TEC: variants seen among roughly 807,000 people sequenced by gnomAD.
TEC encodes the protein tec protein tyrosine kinase, also known as tyrosine-protein kinase Tec.
TEC carries 72 observed loss-of-function variants against 93.0 expected under a neutral mutation model. That is an observed-to-expected ratio of 0.77 (90% CI 0.64 to 0.94). The LOEUF is 0.94. Among genes scored for constraint, TEC ranks in the 40% least tolerant of loss-of-function variants. TEC has a pLI of 0.00. For missense variants in TEC, 630 were observed against 757.9 expected, an observed-to-expected ratio of 0.83 and a Z score of 1.98; for synonymous variants, 249 against 247.7, an observed-to-expected ratio of 1.01 and a Z score of -0.05.
intron 1 of TEC, among the ~76,000 whole-genome samples, chr4:48,233,482 C>T (rs1333788813): frequency 6.6e-6 from 1 of 151,654 alleles, no homozygotes; most frequent in Middle Eastern, 3.2e-3. Flanking sequence ...CCCAGCTCAA[C>T]TGACTTTTTA....
At chr4:48,211,900 C>A (rs1405866919) in intron 2 of TEC, among the ~76,000 whole-genome samples, 1 of 151,802 alleles carries the variant, frequency 6.6e-6, no homozygotes, top group Non-Finnish European at 1.5e-5. Flanking sequence ...GAGTTTGAGA[C>A]CAGCCTGGGC....
At chr4:48,163,837 T>A in intron 7 of TEC, 70 bp from the exon 8 acceptor site, 6 of 860,296 alleles carry the variant, frequency 7.0e-6, no homozygotes. Flanking sequence ...GAAAGATTAT[T>A]GCCTTTTGAA....
At chr4:48,200,856 A>G (rs6834565) in intron 2 of TEC, among the ~76,000 whole-genome samples, 12,246 of 152,302 alleles carry the variant, frequency 0.08, 690 homozygotes, top group East Asian at 0.31. Context: ...TATGGAGAGG[A>G]AAGACAGGAT....
At chr4:48,149,464 C>T (rs1720065061) in intron 11 of TEC, 93 bp downstream of exon 11, 1 of 1,274,518 alleles carries the variant, frequency 7.8e-7, no homozygotes, top group East Asian at 2.6e-5. Context: ...AATGAACTAA[C>T]TATAAAATAA....
At chr4:48,265,673 C>T (rs1205068057) in intron 1 of TEC, among the ~76,000 whole-genome samples, 2 of 151,770 alleles carry the variant, frequency 1.3e-5, no homozygotes, top group African/African-American at 4.8e-5. Flanking sequence ...CCACCACGCC[C>T]AGCTAATTTT....
At chr4:48,230,815 G>A (rs1419281509) in intron 1 of TEC, among the ~76,000 whole-genome samples, 1 of 152,098 alleles carries the variant, frequency 6.6e-6, no homozygotes, top group Non-Finnish European at 1.5e-5. Flanking sequence ...CTGGCCTAGT[G>A]GACTCTCTGC....
chr4:48,199,240 T>A (rs536862115), intron 2 of TEC, among the ~76,000 whole-genome samples: 1 of 152,294 alleles, frequency 6.6e-6, no homozygotes, highest in East Asian at 1.9e-4. Flanking sequence ...CCAGATCCAA[T>A]GATTCCAAAT....
Position 48,233,810 on chromosome 4 carries a change from C to T in TEC, c.-45-5151G>A, listed in dbSNP as rs945307666. On this transcript the variant is annotated intron_variant, in intron 1 of 17. Coordinates refer to ENST00000381501, the MANE Select transcript of TEC (RefSeq NM_003215.3). ...AAAGTTAGAACATAAAATTGAGAAA[C>T]TCTCCCAAAAAAAAAAAAAATTAAG... 2.3e-4 allele frequency among the ~76,000 whole-genome samples: 33 copies of T among 144,884 alleles called. 1 individual carries two copies. The highest frequency in any genetic ancestry group is 4.8e-4 in the Non-Finnish European group (31 of 64,998).
chr4:48,195,410 A>G (rs949866998), intron 2 of TEC, among the ~76,000 whole-genome samples: 6 of 152,198 alleles, frequency 3.9e-5, no homozygotes, highest in Non-Finnish European at 8.8e-5. Flanking sequence ...CAGAGATGGC[A>G]CATTTCTTAA....
At chr4:48,188,127 C>T (rs1246267418) in intron 2 of TEC, among the ~76,000 whole-genome samples, 1 of 152,156 alleles carries the variant, frequency 6.6e-6, no homozygotes, top group Non-Finnish European at 1.5e-5. Flanking sequence ...CCTTGTCGCC[C>T]TACTGGACTC....
At chr4:48,164,696 C>T (rs1163638095) in intron 7 of TEC, among the ~76,000 whole-genome samples, 1 of 152,042 alleles carries the variant, frequency 6.6e-6, no homozygotes, top group Non-Finnish European at 1.5e-5. Flanking sequence ...GGAGCCAGTC[C>T]CCCTTAGAAA....
intron 1 of TEC, among the ~76,000 whole-genome samples, chr4:48,235,770 A>T (rs1723766712): frequency 6.6e-6 from 1 of 152,206 alleles, no homozygotes; most frequent in African/African-American, 2.4e-5. Context: ...AATCATTATC[A>T]TTATCATTAT....
chr4:48,231,478 C>T lies in TEC; in HGVS notation c.-45-2819G>A, dbSNP rs141449205. 4.6e-4 allele frequency among the ~76,000 whole-genome samples: 70 copies of T among 152,256 alleles called. No individual in the cohort carries two copies. In the East Asian group the frequency reaches 0.011, roughly 25 times the overall value. ...AATGACTACTTATAAGAACAGAGGC[C>T]GGGCACGGTGGCTCACGCCTGTAAT... On this transcript the variant is annotated intron_variant, in intron 1 of 17. Transcript: ENST00000381501.
At chr4:48,210,518 T>G (rs62309352) in intron 2 of TEC, among the ~76,000 whole-genome samples, 14,089 of 97,428 alleles carry the variant, frequency 0.14, 828 homozygotes, top group East Asian at 0.33. Flanking sequence ...AGGAGGAGGA[T>G]GATGAGGAGG....
chr4:48,236,811 T>C (rs763339096), intron 1 of TEC, among the ~76,000 whole-genome samples: 6 of 152,206 alleles, frequency 3.9e-5, no homozygotes, highest in Non-Finnish European at 8.8e-5. Context: ...CTATCCAGCG[T>C]TGCAAATCTG....
chr4:48,217,249 GC>G (rs1439150250), intron 2 of TEC, among the ~76,000 whole-genome samples: 5 of 152,080 alleles, frequency 3.3e-5, no homozygotes, highest in African/African-American at 1.2e-4. Context: ...GATTACAGGT[GC>G]CCGCCACCAT....
At chr4:48,173,876 C>T (rs1369061787) in intron 3 of TEC, among the ~76,000 whole-genome samples, 2 of 152,170 alleles carry the variant, frequency 1.3e-5, no homozygotes, top group African/African-American at 4.8e-5. Flanking sequence ...CCCATCTAGG[C>T]AGCTGGTGTG....
Position 48,145,511 on chromosome 4 carries a change from C to T in TEC, c.1150G>A (p.Val384Met). 3 of 1,614,144 alleles carry T rather than the reference C, an allele frequency of 1.9e-6. No homozygotes were observed. The highest frequency in any genetic ancestry group is 2.5e-6 in the Non-Finnish European group (3 of 1,180,014). Residue 384 changes from valine (V) to methionine (M), a missense_variant, in exon 13 of 18, where the codon GTG becomes ATG. Physicochemically the swap from Val to Met is conservative, Grantham distance 21. This residue lies in a region of TEC where 289 missense variants were observed against 390.0 expected (regional missense o/e 0.74). Transcript: ENST00000381501. ...RELGSGLFGVVRLGKWRAQYK... is the reference protein window; with the variant it reads ...RELGSGLFGVMRLGKWRAQYK... ...TGGGCTCGCCATTTGCCAAGCCTCACCACTCCAAACAGTCCACTTCCCAAT... is the reference window on the plus strand; with the variant it reads ...TGGGCTCGCCATTTGCCAAGCCTCATCACTCCAAACAGTCCACTTCCCAAT...
intron 2 of TEC, among the ~76,000 whole-genome samples, chr4:48,182,066 T>G (rs777836264): frequency 4.6e-5 from 7 of 152,088 alleles, no homozygotes; most frequent in Non-Finnish European, 8.8e-5. Context: ...GCAGATCACT[T>G]GAGGTCAGAA....
Sources: allele counts gnomAD v4.1 joint callset (sites outside exome capture counted in the v4.1 genomes callset), GRCh38; gene constraint gnomAD v4.1.1; regional missense constraint gnomAD v4.1.1; transcripts MANE v1.5; gene names NCBI Gene and HGNC (gene_info 2026-07-23, HGNC 2026-07-21).